PCDHGA2: variants seen among roughly 807,000 people sequenced by gnomAD.
PCDHGA2 encodes the protein protocadherin gamma subfamily A, 2.
In PCDHGA2, 40 loss-of-function variants were observed where a neutral mutation model predicts 59.2. The ratio of observed to expected loss-of-function variants is 0.68; its 90% confidence interval spans 0.52 to 0.88. The LOEUF (loss-of-function observed/expected upper bound fraction) is 0.88. PCDHGA2 is among the 40% of genes least tolerant of loss of function. The pLI is 0.00. For missense variants in PCDHGA2, 1,226 were observed against 1,204.0 expected (o/e 1.02, Z -0.27); for synonymous variants, 560 against 526.0 (o/e 1.06, Z -0.89).
chr5:141,489,944 T>A lies in PCDHGA2; in HGVS notation c.2425-4863T>A. On this transcript the variant is annotated intron_variant, in intron 1 of 3. Coordinates refer to ENST00000394576, the MANE Select transcript of PCDHGA2 (RefSeq NM_018915.4). The surrounding 1 kb of genome is among the most constrained non-coding windows in gnomAD (Gnocchi z 4.5). ...CTTATCTCTGTCATCGTGCTGGACA[T>A]CAATGATAATGCTCCAACCTTCCAA... 1 of 1,614,172 alleles carries A rather than the reference T, an allele frequency of 6.2e-7. No individual in the cohort carries two copies. The highest frequency in any genetic ancestry group is 8.5e-7 in the Non-Finnish European group (1 of 1,180,010).
chr5:141,365,713 C>G, intron 1 of PCDHGA2: 1 of 1,613,760 alleles, frequency 6.2e-7, no homozygotes, highest in East Asian at 2.2e-5. Context: ...CCACCTCTGT[C>G]ACAGAAAACA....
rs139608956 is a variant in PCDHGA2, at chr5:141,510,637, A to G, written c.2573-310A>G. Among the ~76,000 whole-genome samples, 4 of 152,242 alleles carry G rather than the reference A, an allele frequency of 2.6e-5. No individual in the cohort carries two copies. The East Asian group carries it at 7.7e-4, about 29-fold the overall frequency. ...ACTAAAACCAGAAGAGGTGGTTACC[A>G]TTATCATCCCCATTTTGCAGATGAG... On this transcript the variant is annotated intron_variant, in intron 3 of 3. Transcript: ENST00000394576.
At chr5:141,419,635 G>A in intron 1 of PCDHGA2, 1 of 1,612,480 alleles carries the variant, frequency 6.2e-7, no homozygotes, top group African/African-American at 1.3e-5. Flanking sequence ...CCAAGGTGGT[G>A]GCCGTGGACG....
At chr5:141,399,722 A>G in intron 1 of PCDHGA2, 4 of 1,613,264 alleles carry the variant, frequency 2.5e-6, no homozygotes, top group Non-Finnish European at 3.4e-6. Context: ...CAGGCCCGCG[A>G]CCAGGGCTCG....
At chr5:141,361,295 T>C in intron 1 of PCDHGA2, 1 of 1,613,990 alleles carries the variant, frequency 6.2e-7, no homozygotes, top group Non-Finnish European at 8.5e-7. Context: ...TGCCAAGTGT[T>C]GGGAAATGCC....
chr5:141,478,594 C>T, intron 1 of PCDHGA2: 2 of 1,569,448 alleles, frequency 1.3e-6, no homozygotes, highest in Non-Finnish European at 1.7e-6. Context: ...TTTTTTATTC[C>T]TACATCATAT....
intron 1 of PCDHGA2, chr5:141,375,368 A>T (rs774708513): frequency 6.2e-7 from 1 of 1,613,754 alleles, no homozygotes; most frequent in Non-Finnish European, 8.5e-7. Context: ...GGACAAAGGA[A>T]CACCACCTCT....
At chr5:141,386,173 C>T (rs72790028) in intron 1 of PCDHGA2, among the ~76,000 whole-genome samples, 9,793 of 152,202 alleles carry the variant, frequency 0.064, 369 homozygotes, top group African/African-American at 0.1. Flanking sequence ...AACCTTAGAC[C>T]ATCTTATGTA....
intron 1 of PCDHGA2, among the ~76,000 whole-genome samples, chr5:141,462,483 G>T (rs1402125086): frequency 2.0e-5 from 3 of 151,986 alleles, no homozygotes; most frequent in African/African-American, 7.3e-5. Context: ...TCTCGTGGTT[G>T]TTGTATCCTA....
chr5:141,494,762 A>G (rs770570158), intron 1 of PCDHGA2, 45 bp from the exon 2 acceptor site: 1 of 1,613,200 alleles, frequency 6.2e-7, no homozygotes, highest in South Asian at 1.1e-5. Flanking sequence ...TGACATTCTA[A>G]CTTCTCACGG....
At chr5:141,359,129 T>C (rs796480856) in intron 1 of PCDHGA2, among the ~76,000 whole-genome samples, 1 of 152,294 alleles carries the variant, frequency 6.6e-6, no homozygotes, top group African/African-American at 2.4e-5. Context: ...GTGCAATACA[T>C]AGAGTAAGCT....
chr5:141,433,564 G>A (rs1380905062), intron 1 of PCDHGA2, among the ~76,000 whole-genome samples: 1 of 152,042 alleles, frequency 6.6e-6, no homozygotes, highest in Non-Finnish European at 1.5e-5. Flanking sequence ...GGCTGGGCGC[G>A]GTGGCTCACG....
chr5:141,353,548 C>T (rs1759315194), intron 1 of PCDHGA2, among the ~76,000 whole-genome samples: 2 of 152,166 alleles, frequency 1.3e-5, no homozygotes, highest in African/African-American at 4.8e-5. Context: ...AACTTTGAGT[C>T]AATATTATTC....
chr5:141,463,548 A>C (rs2099063677), intron 1 of PCDHGA2, among the ~76,000 whole-genome samples: 1 of 140,798 alleles, frequency 7.1e-6, no homozygotes, highest in Non-Finnish European at 1.5e-5. Context: ...TCCCGGGTTC[A>C]TGCCATTCTC....
intron 1 of PCDHGA2, chr5:141,399,483 C>G (rs753137844): frequency 6.2e-7 from 1 of 1,613,930 alleles, no homozygotes; most frequent in African/African-American, 1.3e-5. Context: ...ACCAGGCGTC[C>G]TACTTAGTCA....
At chr5:141,374,081 G>A (rs1588729709) in intron 1 of PCDHGA2, 1 of 1,524,542 alleles carries the variant, frequency 6.6e-7, no homozygotes. Flanking sequence ...TAATAAGCCA[G>A]TAATGGCGCC....
At chr5:141,376,632 T>G (rs1399941658) in intron 1 of PCDHGA2, 5 of 1,296,946 alleles carry the variant, frequency 3.9e-6, no homozygotes, top group Non-Finnish European at 5.2e-6. Flanking sequence ...GGAAGATTCG[T>G]GATTTTGTAA....
chr5:141,400,728 T>C, intron 1 of PCDHGA2: 1 of 648,188 alleles, frequency 1.5e-6, no homozygotes. Context: ...ATTTACAAAG[T>C]AGTGAGAGTT....
chr5:141,351,441 C>G (rs768328873), intron 1 of PCDHGA2: 11 of 1,612,464 alleles, frequency 6.8e-6, no homozygotes, highest in Non-Finnish European at 8.5e-6. Flanking sequence ...GAATCCACCT[C>G]GAAGAATTAT....
Sources: gnomAD v4.1 joint callset for allele counts (sites outside exome capture counted in the v4.1 genomes callset) on GRCh38, gnomAD v4.1.1 for gene constraint, Gnocchi (gnomAD v3.1) non-coding constraint, MANE v1.5 for transcripts, NCBI Gene and HGNC (gene_info 2026-07-23, HGNC 2026-07-21) for gene names.